Variants in FGF14 observed in about 807,000 individuals in gnomAD.
FGF14 encodes the protein fibroblast growth factor 14.
A neutral mutation model predicts 25.5 loss-of-function variants in FGF14; 5 were observed. That is an observed-to-expected ratio of 0.20 (90% confidence interval 0.10 to 0.41). The LOEUF is 0.41. FGF14 is among the 10% of genes least tolerant of loss of function. The pLI is 1.00. For missense variants in FGF14, 222 were observed against 320.1 expected (o/e 0.69, Z 2.34); for synonymous variants, 138 against 118.3 (o/e 1.17, Z -1.08).
intron 1 of FGF14, among the ~76,000 whole-genome samples, chr13:102,184,696 T>C (rs911396126): frequency 8.5e-5 from 13 of 152,172 alleles, no homozygotes; most frequent in Non-Finnish European, 1.8e-4. Context: ...AGAACATCCG[T>C]GTAGATGAGG....
chr13:101,922,142 TAGAC>T (rs2034049316), intron 1 of FGF14, among the ~76,000 whole-genome samples: 2 of 152,144 alleles, frequency 1.3e-5, no homozygotes, highest in African/African-American at 4.8e-5. Context: ...TCTGAACAAA[TAGAC>T]AGTTAATACC....
chr13:102,203,685 C>T (rs2049775510), intron 1 of FGF14, among the ~76,000 whole-genome samples: 1 of 152,056 alleles, frequency 6.6e-6, no homozygotes, highest in Non-Finnish European at 1.5e-5. Context: ...GAATTTTAAA[C>T]ATTGTTCCAC....
intron 3 of FGF14, among the ~76,000 whole-genome samples, chr13:101,770,928 G>A (rs2139969027): frequency 6.6e-6 from 1 of 151,944 alleles, no homozygotes; most frequent in Non-Finnish European, 1.5e-5. Context: ...AAAATGCACA[G>A]ATTTAAAACT....
intron 1 of FGF14, among the ~76,000 whole-genome samples, chr13:102,368,684 C>A (rs1447617307): frequency 6.6e-6 from 1 of 152,156 alleles, no homozygotes; most frequent in Non-Finnish European, 1.5e-5. Context: ...ACAATAATGC[C>A]ATGATTTCAT....
At chr13:102,285,535 G>A (rs1023624814) in intron 1 of FGF14, among the ~76,000 whole-genome samples, 14 of 152,128 alleles carry the variant, frequency 9.2e-5, no homozygotes, top group African/African-American at 3.1e-4. Flanking sequence ...GAATTCTTCT[G>A]TATTTTGATA....
At chr13:102,128,771 A>T (rs1238351229) in intron 1 of FGF14, among the ~76,000 whole-genome samples, 2 of 152,190 alleles carry the variant, frequency 1.3e-5, no homozygotes, top group Non-Finnish European at 2.9e-5. Context: ...CTTTTCAGTA[A>T]TACTGAGTTC....
intron 1 of FGF14, among the ~76,000 whole-genome samples, chr13:102,198,882 T>C (rs1472051715): frequency 1.3e-5 from 2 of 152,200 alleles, no homozygotes; most frequent in Non-Finnish European, 1.5e-5. Flanking sequence ...ATTAAATGTT[T>C]AAGTTCCTGG....
chr13:101,790,696 T>A (rs1292552867), intron 3 of FGF14, among the ~76,000 whole-genome samples: 1 of 152,154 alleles, frequency 6.6e-6, no homozygotes, highest in Admixed American at 6.6e-5. Flanking sequence ...TAATGCCTTA[T>A]ACCTGAGTCC....
At chr13:101,757,328 T>C (rs1375533518) in intron 3 of FGF14, among the ~76,000 whole-genome samples, 1 of 152,168 alleles carries the variant, frequency 6.6e-6, no homozygotes, top group Non-Finnish European at 1.5e-5. Flanking sequence ...TAGTTGTGTG[T>C]GTCTTTTGGG....
chr13:102,397,501 C>A (rs938690926), intron 1 of FGF14, among the ~76,000 whole-genome samples: 1 of 152,158 alleles, frequency 6.6e-6, no homozygotes, highest in Non-Finnish European at 1.5e-5. Context: ...ACACTGGGCA[C>A]TGACATTTGT....
chr13:102,303,395 G>T (rs780958977), intron 1 of FGF14, among the ~76,000 whole-genome samples: 1 of 152,166 alleles, frequency 6.6e-6, no homozygotes, highest in Non-Finnish European at 1.5e-5. Flanking sequence ...AACACACCAT[G>T]AGGATGGGGA....
At chr13:101,883,731 T>C (rs1196386755) in intron 1 of FGF14, among the ~76,000 whole-genome samples, 2 of 152,102 alleles carry the variant, frequency 1.3e-5, no homozygotes, top group Non-Finnish European at 2.9e-5. Context: ...GCATAGCGAC[T>C]TTTTGAGCTA....
chr13:102,146,322 G>A (rs2046852463), intron 1 of FGF14, among the ~76,000 whole-genome samples: 2 of 152,022 alleles, frequency 1.3e-5, no homozygotes, highest in East Asian at 1.9e-4. Flanking sequence ...TTATTTTGTG[G>A]GATGAGCAAC....
At chr13:102,136,658 TGG>T (rs11478616) in intron 1 of FGF14, among the ~76,000 whole-genome samples, 1 of 133,792 alleles carries the variant, frequency 7.5e-6, no homozygotes. Context: ...ATAAATTCTA[TGG>T]GAAAAAAAAA....
chr13:101,763,460 G>A (rs1460816325), intron 3 of FGF14, among the ~76,000 whole-genome samples: 1 of 152,194 alleles, frequency 6.6e-6, no homozygotes, highest in Non-Finnish European at 1.5e-5. Context: ...ACAAGATTGA[G>A]ACAGGCATAG....
intron 1 of FGF14, among the ~76,000 whole-genome samples, chr13:102,117,616 C>T (rs986361070): frequency 5.3e-5 from 8 of 152,104 alleles, no homozygotes; most frequent in Non-Finnish European, 1.0e-4. Context: ...AAGGGTTCAT[C>T]CCGAGGGTAC....
chr13:102,188,861 A>G (rs1269376719), intron 1 of FGF14, among the ~76,000 whole-genome samples: 1 of 151,766 alleles, frequency 6.6e-6, no homozygotes, highest in Non-Finnish European at 1.5e-5. Flanking sequence ...CAATCGCTTG[A>G]ACCTGGGAGG....
At chr13:102,128,203 G>C (rs568528777) in intron 1 of FGF14, among the ~76,000 whole-genome samples, 1 of 152,302 alleles carries the variant, frequency 6.6e-6, no homozygotes, top group South Asian at 2.1e-4. Flanking sequence ...GATGATAGAA[G>C]CATTTAATCC....
At chr13:102,266,230 T>C (rs928468740) in intron 1 of FGF14, among the ~76,000 whole-genome samples, 1 of 152,036 alleles carries the variant, frequency 6.6e-6, no homozygotes, top group Non-Finnish European at 1.5e-5. Flanking sequence ...TGACTAAAGG[T>C]GAATGACAAA....
Sources: allele counts gnomAD v4.1 joint callset (sites outside exome capture counted in the v4.1 genomes callset), GRCh38; gene constraint gnomAD v4.1.1; transcripts MANE v1.5; gene names NCBI Gene and HGNC (gene_info 2026-07-23, HGNC 2026-07-21).